The following NDST1 variants were observed in gnomAD, a reference collection of about 807,000 sequenced individuals.
NDST1 encodes bifunctional heparan sulfate N-deacetylase/N-sulfotransferase 1.
A neutral mutation model predicts 92.8 loss-of-function variants in NDST1; 35 were observed. The ratio of observed to expected loss-of-function variants is 0.38; its 90% confidence interval spans 0.29 to 0.50. NDST1 has a LOEUF of 0.50. Ranked by LOEUF, NDST1 falls within the 20% of genes least tolerant of loss-of-function variation. NDST1 has a pLI of 0.94. For missense variants in NDST1, 822 were observed against 1,182.7 expected (o/e 0.69, Z 4.47); for synonymous variants, 493 against 500.3 (o/e 0.99, Z 0.19).
At chr5:150,545,163 C>T (rs1755425095) in intron 10 of NDST1, 149 bp from the exon 11 acceptor site, 1 of 889,164 alleles carries the variant, frequency 1.1e-6, no homozygotes, top group African/African-American at 1.7e-5. Flanking sequence ...AGAATCCCCA[C>T]TGGAGGCAAG....
chr5:150,519,923 G>A (rs1157633519), intron 1 of NDST1, among the ~76,000 whole-genome samples: 2 of 152,128 alleles, frequency 1.3e-5, no homozygotes, highest in East Asian at 1.9e-4. Context: ...GGCTGAGGGG[G>A]AGGCTGGAAC....
In NDST1 at chr5:150,528,075, T is replaced by C. The variant is rs1034496595; in HGVS notation, c.785T>C (p.Leu262Pro). The change falls in exon 3 of 15, where the codon CTG (leucine) becomes CCG (proline). Residue 262 changes from leucine (L) to proline (P), a missense_variant. Physicochemically the swap from Leu to Pro is moderately conservative, Grantham distance 98. Coordinates refer to ENST00000261797, the MANE Select transcript of NDST1 (RefSeq NM_001543.5). ...LGADAGLHAA[L>P]HATVVQDLGL... ...GCAGACGCCGGCCTGCATGCTGCACTGCACGCCACTGTGGTCCAGGACCTG... is the reference window on the plus strand; with the variant it reads ...GCAGACGCCGGCCTGCATGCTGCACCGCACGCCACTGTGGTCCAGGACCTG... 6.2e-7 allele frequency: 1 copy of C among 1,613,426 alleles called. No individual in the cohort carries two copies. Among genetic ancestry groups the C allele is most frequent in the Non-Finnish European group, 8.5e-7 (1 of 1,179,662 alleles).
chr5:150,518,365 C>T (rs1473352643), intron 1 of NDST1, among the ~76,000 whole-genome samples: 1 of 151,624 alleles, frequency 6.6e-6, no homozygotes, highest in Non-Finnish European at 1.5e-5. Flanking sequence ...GCCTCTGGTT[C>T]CTCAGGGTAC....
intron 1 of NDST1, among the ~76,000 whole-genome samples, chr5:150,509,169 G>A (rs190720573): frequency 3.3e-5 from 5 of 152,288 alleles, no homozygotes; most frequent in East Asian, 1.9e-4. Flanking sequence ...AGGCCCCTGA[G>A]TCTGCCTGTG....
chr5:150,514,927 G>A (rs1561590442), intron 1 of NDST1, among the ~76,000 whole-genome samples: 3 of 152,220 alleles, frequency 2.0e-5, no homozygotes, highest in Non-Finnish European at 4.4e-5. Context: ...AGTGGCACCC[G>A]GGCACTGGGG....
rs1368502784 is a variant in NDST1, at chr5:150,543,042, C to T, written c.1970+71C>T. 3.1e-6 allele frequency: 5 copies of T among 1,600,602 alleles called. No homozygotes were observed. In the East Asian group the frequency reaches 8.9e-5, roughly 29 times the overall value. On this transcript the variant is annotated intron_variant, in intron 10 of 14. Transcript: ENST00000261797. ...GGGCCTCCCAGGAGTCTGCTGTGGC[C>T]ACAGCAGGAAGCAGCTGGAGCTTGC... is the stretch of plus-strand genomic sequence containing the variant.
chr5:150,523,988 C>T (rs976014668), intron 2 of NDST1, among the ~76,000 whole-genome samples: 4 of 152,196 alleles, frequency 2.6e-5, no homozygotes, highest in African/African-American at 9.7e-5. Flanking sequence ...AGACCAACTT[C>T]CCCGCTGTGT....
Position 150,528,025 on chromosome 5 carries a change from G to T in NDST1, c.735G>T (p.Ser245=). The change falls in exon 3 of 15, where the codon TCG becomes TCT. Residue 245 remains serine (S), a synonymous_variant. Transcript: ENST00000261797. The part of the protein sequence containing the change: ...YEPVLLAKTR[S]SESIPHLGAD... ...CAGTGCTGCTGGCCAAGACGCGCTC[G>T]TCTGAGTCCATCCCACACCTGGGCG... 3.7e-6 allele frequency: 6 copies of T among 1,613,640 alleles called. No individual in the cohort carries two copies. The highest frequency in any genetic ancestry group is 5.1e-6 in the Non-Finnish European group (6 of 1,179,792).
chr5:150,536,041 C>A (rs1341554713), intron 6 of NDST1, among the ~76,000 whole-genome samples, 156 bp downstream of exon 6: 1 of 152,188 alleles, frequency 6.6e-6, no homozygotes, highest in Non-Finnish European at 1.5e-5. Flanking sequence ...AGGCTCTCTG[C>A]CCCAGGGAAG....
chr5:150,546,559 A>C (rs1755493607), intron 11 of NDST1, among the ~76,000 whole-genome samples: 1 of 151,930 alleles, frequency 6.6e-6, no homozygotes, highest in African/African-American at 2.4e-5. Flanking sequence ...GGTGTTGGGG[A>C]GGGGGTGGGG....
At position 150,554,318 on chromosome 5, in the gene NDST1, G is replaced by T. The variant is rs1194084786; in HGVS notation, c.*986G>T. The T allele has an allele frequency of 3.9e-6, 1 of 259,440 alleles. No homozygotes were observed. The highest frequency in any genetic ancestry group is 6.9e-6 in the Non-Finnish European group (1 of 144,006). The allele number at this position is 259,440 out of a possible 1,614,324, so 16.1% of individuals were successfully genotyped here. On this transcript the variant is annotated 3_prime_UTR_variant, in exon 15 of 15. Coordinates refer to ENST00000261797, the MANE Select transcript of NDST1 (RefSeq NM_001543.5). Reference sequence around the variant, plus strand: ...TGGTGCCAGAGTTTATACCCTGGGTGCTGGGGTCGCACTGTGTTATATATA... The same window carrying T: ...TGGTGCCAGAGTTTATACCCTGGGTTCTGGGGTCGCACTGTGTTATATATA...
intron 14 of NDST1, among the ~76,000 whole-genome samples, chr5:150,552,192 G>A (rs995475271): frequency 2.6e-5 from 4 of 152,126 alleles, no homozygotes; most frequent in African/African-American, 7.2e-5. Context: ...AGTGCTGCGC[G>A]CAGTCAGAGA....
At position 150,545,361 on chromosome 5, in the gene NDST1, T is replaced by G; in HGVS notation, c.2020T>G (p.Phe674Val). ...IPSNTTSDFY[F>V]EKSANYFDSE... ...TTCCAACACCACCTCCGACTTCTAC[T>G]TTGAGAAAAGCGCCAACTACTTTGA... Residue 674 changes from phenylalanine (F) to valine (V), a missense_variant, in exon 11 of 15, where the codon TTT (phenylalanine) becomes GTT (valine). By Grantham distance (50) the Phe-to-Val change is conservative (BLOSUM62 -1). Coordinates refer to ENST00000261797, the MANE Select transcript of NDST1 (RefSeq NM_001543.5). The G allele has an allele frequency of 6.2e-7, 1 of 1,614,258 alleles. No homozygotes were observed. The highest frequency in any genetic ancestry group is 8.5e-7 in the Non-Finnish European group (1 of 1,180,048).
chr5:150,533,296 A>C (rs1754830990), intron 4 of NDST1, among the ~76,000 whole-genome samples: 1 of 152,236 alleles, frequency 6.6e-6, no homozygotes, highest in Non-Finnish European at 1.5e-5. Context: ...TGGGTGGGGC[A>C]TCTTCTCCCT....
intron 3 of NDST1, among the ~76,000 whole-genome samples, chr5:150,532,541 G>A (rs1004140383): frequency 6.6e-5 from 10 of 151,750 alleles, no homozygotes; most frequent in African/African-American, 9.7e-5. Flanking sequence ...TTTTTGAGAC[G>A]GAATCTCGCT....
intron 2 of NDST1, among the ~76,000 whole-genome samples, chr5:150,526,665 G>T (rs1754490676): frequency 6.6e-6 from 1 of 152,178 alleles, no homozygotes; most frequent in Non-Finnish European, 1.5e-5. Flanking sequence ...TGCAGCTGAG[G>T]CTTTAACATG....
intron 6 of NDST1, among the ~76,000 whole-genome samples, chr5:150,537,460 C>G (rs924172486): frequency 7.2e-5 from 11 of 152,168 alleles, no homozygotes; most frequent in Non-Finnish European, 1.6e-4. Context: ...TTGTCTTTTA[C>G]AGTTGTTGAT....
chr5:150,534,358 C>T, intron 4 of NDST1, among the ~76,000 whole-genome samples: 1 of 152,160 alleles, frequency 6.6e-6, no homozygotes, highest in East Asian at 1.9e-4. Flanking sequence ...CCCACCTTGG[C>T]CTTCCAAAGT....
chr5:150,514,706 C>T (rs1033350381), intron 1 of NDST1, among the ~76,000 whole-genome samples: 2 of 152,084 alleles, frequency 1.3e-5, no homozygotes, highest in East Asian at 1.9e-4. Context: ...AGACCAAACT[C>T]AAAGTCAGGA....
Sources: allele counts gnomAD v4.1 joint callset (sites outside exome capture counted in the v4.1 genomes callset), GRCh38; gene constraint gnomAD v4.1.1; transcripts MANE v1.5; gene names NCBI Gene and HGNC (gene_info 2026-07-23, HGNC 2026-07-21).